Variants in SLC25A21 observed in about 807,000 individuals in gnomAD.
The protein encoded by SLC25A21 is solute carrier family 25 member 21.
In SLC25A21, 47 loss-of-function variants were observed where a neutral mutation model predicts 43.8. That is an observed-to-expected ratio of 1.07 (90% CI 0.85 to 1.37). SLC25A21 has a LOEUF of 1.37. SLC25A21 is among the 40% of genes most tolerant of loss of function. SLC25A21 has a pLI of 0.00. For synonymous variants in SLC25A21, 131 were observed against 121.3 expected (o/e 1.08, Z -0.52); for missense variants, 352 against 350.2 (o/e 1.00, Z -0.04).
intron 1 of SLC25A21, among the ~76,000 whole-genome samples, chr14:36,991,428 T>C (rs530158812): frequency 6.6e-6 from 1 of 152,284 alleles, no homozygotes; most frequent in South Asian, 2.1e-4. Flanking sequence ...GAAGGGCATA[T>C]GGATGCAAAC....
At chr14:36,904,794 G>A (rs1030751300) in intron 1 of SLC25A21, among the ~76,000 whole-genome samples, 8 of 152,022 alleles carry the variant, frequency 5.3e-5, no homozygotes, top group African/African-American at 1.7e-4. Context: ...GGGGGAAATC[G>A]CCCCCATGAT....
chr14:36,690,855 G>T (rs181137700), intron 7 of SLC25A21, among the ~76,000 whole-genome samples: 26 of 152,272 alleles, frequency 1.7e-4, no homozygotes, highest in African/African-American at 6.3e-4. Flanking sequence ...TACTATTATA[G>T]TGAGTCACCA....
chr14:37,125,278 A>C (rs1963277829), intron 1 of SLC25A21, among the ~76,000 whole-genome samples: 1 of 152,210 alleles, frequency 6.6e-6, no homozygotes, highest in Admixed American at 6.5e-5. Flanking sequence ...AGTAAATATT[A>C]TGGAGTCACA....
At chr14:36,829,167 G>A (rs1204760784) in intron 2 of SLC25A21, among the ~76,000 whole-genome samples, 9 of 151,900 alleles carry the variant, frequency 5.9e-5, no homozygotes, top group Admixed American at 5.9e-4. Context: ...CAAGGTGCTG[G>A]GATTACAGAT....
intron 1 of SLC25A21, among the ~76,000 whole-genome samples, chr14:36,954,559 ATATG>A (rs1959283700): frequency 6.6e-6 from 1 of 151,986 alleles, no homozygotes; most frequent in South Asian, 2.1e-4. Flanking sequence ...AAATTCATAT[ATATG>A]TATCATGTAT....
intron 1 of SLC25A21, among the ~76,000 whole-genome samples, chr14:37,171,287 C>T (rs1964124290): frequency 6.6e-6 from 1 of 152,120 alleles, no homozygotes; most frequent in African/African-American, 2.4e-5. Context: ...GCAAGTAGAT[C>T]ATGACATAAT....
At chr14:37,036,377 A>G (rs1961326121) in intron 1 of SLC25A21, among the ~76,000 whole-genome samples, 1 of 152,058 alleles carries the variant, frequency 6.6e-6, no homozygotes, top group Non-Finnish European at 1.5e-5. Flanking sequence ...AAGCAGTTTT[A>G]AATTTCACCT....
At chr14:36,689,512 C>A (rs1419165462) in intron 7 of SLC25A21, among the ~76,000 whole-genome samples, 4 of 152,140 alleles carry the variant, frequency 2.6e-5, no homozygotes, top group Non-Finnish European at 5.9e-5. Flanking sequence ...AAGGAAAGGG[C>A]AGTGCAGGGT....
intron 1 of SLC25A21, among the ~76,000 whole-genome samples, chr14:37,157,089 G>A (rs1025853002): frequency 6.6e-6 from 1 of 152,146 alleles, no homozygotes; most frequent in Non-Finnish European, 1.5e-5. Context: ...CAGCACGGTG[G>A]CTCATGCTTG....
In SLC25A21 at chr14:36,960,828, A is replaced by G. The variant is rs543496394; in HGVS notation, c.71-85824T>C. Among the ~76,000 whole-genome samples, 5 of 152,346 alleles carry G rather than the reference A, an allele frequency of 3.3e-5. No homozygotes were observed. In the South Asian group the frequency reaches 8.3e-4, roughly 25 times the overall value. Reference sequence around the variant, plus strand: ...AACACCTATCTAAACAGTAGTGGTGAGTCCACTCTCCAAGCCACCCCAAAC... The same window carrying G: ...AACACCTATCTAAACAGTAGTGGTGGGTCCACTCTCCAAGCCACCCCAAAC... On this transcript the variant is annotated intron_variant, in intron 1 of 9. Coordinates refer to ENST00000331299, the MANE Select transcript of SLC25A21 (RefSeq NM_030631.4).
intron 2 of SLC25A21, among the ~76,000 whole-genome samples, chr14:36,836,196 T>C (rs989158873): frequency 1.3e-5 from 2 of 152,164 alleles, no homozygotes; most frequent in Admixed American, 6.5e-5. Flanking sequence ...TGTACTGCTA[T>C]TGAGTGGCCA....
intron 3 of SLC25A21, among the ~76,000 whole-genome samples, chr14:36,796,895 C>A (rs1038284593): frequency 3.3e-5 from 5 of 152,086 alleles, no homozygotes; most frequent in Admixed American, 2.6e-4. Context: ...CTGGACTCAG[C>A]GAGTAAGCCT....
intron 1 of SLC25A21, among the ~76,000 whole-genome samples, chr14:36,968,400 G>A (rs1049091151): frequency 6.6e-6 from 1 of 152,118 alleles, no homozygotes; most frequent in Non-Finnish European, 1.5e-5. Context: ...AAATGTAGTG[G>A]AGCAGTGAAT....
chr14:37,031,541 A>G (rs896587053), intron 1 of SLC25A21, among the ~76,000 whole-genome samples: 1 of 152,204 alleles, frequency 6.6e-6, no homozygotes, highest in African/African-American at 2.4e-5. Flanking sequence ...GTTACTTTAT[A>G]TCACAGGTAT....
intron 1 of SLC25A21, among the ~76,000 whole-genome samples, chr14:37,043,672 T>A (rs1961522060): frequency 1.3e-5 from 2 of 152,166 alleles, no homozygotes. Context: ...TCTCTGTACC[T>A]ACAAAGACTG....
At chr14:37,104,250 C>T (rs868372478) in intron 1 of SLC25A21, among the ~76,000 whole-genome samples, 10 of 152,154 alleles carry the variant, frequency 6.6e-5, no homozygotes, top group South Asian at 4.1e-4. Flanking sequence ...GCTTGTTCAC[C>T]CCTTCCATGT....
At chr14:36,811,855 T>C (rs1480977151) in intron 3 of SLC25A21, among the ~76,000 whole-genome samples, 1 of 152,186 alleles carries the variant, frequency 6.6e-6, no homozygotes, top group Non-Finnish European at 1.5e-5. Context: ...GAAGAAATGT[T>C]TATAATCTTG....
chr14:37,172,550 T>G lies in SLC25A21; in HGVS notation c.-200A>C. 1 of 716,418 alleles carries G rather than the reference T, an allele frequency of 1.4e-6. No individual in the cohort carries two copies. Among genetic ancestry groups the G allele is most frequent in the Non-Finnish European group, 2.5e-6 (1 of 395,472 alleles). 44.4% of individuals were successfully genotyped at this position (716,418 alleles called of 1,614,324 possible). A position where few individuals can be genotyped will look rare whatever the true frequency, so the allele number is the denominator to read the frequency against. On this transcript the variant is annotated 5_prime_UTR_variant, in exon 1 of 10. Coordinates refer to ENST00000331299, the MANE Select transcript of SLC25A21 (RefSeq NM_030631.4). ...GCGCGATCTCCGGCGCGTCGGAACC[T>G]GTTCGCAGCGCTCTCGCAGAGGCGC...
intron 3 of SLC25A21, among the ~76,000 whole-genome samples, chr14:36,756,992 G>A (rs191581566): frequency 6.6e-6 from 1 of 151,678 alleles, no homozygotes; most frequent in East Asian, 1.9e-4. Flanking sequence ...GGTGGCTCAT[G>A]CCTGTAATCC....
Sources: allele counts gnomAD v4.1 joint callset (sites outside exome capture counted in the v4.1 genomes callset), GRCh38; gene constraint gnomAD v4.1.1; transcripts MANE v1.5; gene names NCBI Gene and HGNC (gene_info 2026-07-23, HGNC 2026-07-21).